Variants in STRIP1 observed in about 807,000 individuals in gnomAD.
STRIP1 encodes striatin-interacting protein 1.
A neutral mutation model predicts 106.2 loss-of-function variants in STRIP1; 63 were observed. That is an observed-to-expected ratio of 0.59 (90% CI 0.48 to 0.73). STRIP1 has a LOEUF of 0.73. STRIP1 is among the 30% of genes least tolerant of loss of function. The pLI, the probability that STRIP1 is intolerant of heterozygous loss-of-function variation, is 0.00. For synonymous variants in STRIP1, 390 were observed against 413.0 expected (o/e 0.94, Z 0.67); for missense variants, 857 against 1,074.8 (o/e 0.80, Z 2.83).
In STRIP1 at chr1:110,053,843, GA is replaced by G; in HGVS notation, c.2447del (p.Asn816ThrfsTer6). 6.2e-7 allele frequency: 1 copy of G among 1,614,142 alleles called. No homozygotes were observed. The highest frequency in any genetic ancestry group is 8.5e-7 in the Non-Finnish European group (1 of 1,180,016). ...RVDLPEDFQMNYDLWLEREVF... is the reference protein window; with the variant it reads ...RVDLPEDFQMXYDLWLEREVF... ...TGGACCTCCCTGAGGACTTTCAGATGAACTATGACCTCTGGTTAGAAAGGGA... is the reference window on the plus strand; with the variant it reads ...TGGACCTCCCTGAGGACTTTCAGATGACTATGACCTCTGGTTAGAAAGGGA... On this transcript the variant is annotated frameshift_variant, in exon 21 of 21. Coordinates refer to ENST00000369795, the MANE Select transcript of STRIP1 (RefSeq NM_033088.4). LOFTEE classifies it high-confidence loss of function.
Position 110,054,481 on chromosome 1 carries a change from A to C in STRIP1, c.*569A>C, listed in dbSNP as rs1365559295. On this transcript the variant is annotated 3_prime_UTR_variant, in exon 21 of 21. Coordinates refer to ENST00000369795, the MANE Select transcript of STRIP1 (RefSeq NM_033088.4). The stretch of plus-strand genomic sequence containing the variant: ...CAGCACTTTGATTTTGGACAGGGAC[A>C]AGGTAGGAAGAGAAGCTTCCCTTAA... The C allele has an allele frequency of 6.5e-6, 1 of 153,738 alleles. No individual in the cohort carries two copies. Among genetic ancestry groups the C allele is most frequent in the African/African-American group, 2.4e-5 (1 of 41,446 alleles). The allele number at this position is 153,738 out of a possible 1,614,324, so 9.5% of individuals were successfully genotyped here.
chr1:110,034,633 C>G lies in STRIP1; in HGVS notation c.-5C>G. The G allele has an allele frequency of 6.6e-7, 1 of 1,520,446 alleles. No homozygotes were observed. The highest frequency in any genetic ancestry group is 1.2e-5 in the South Asian group (1 of 81,856). The allele number at this position is 1,520,446 out of a possible 1,614,324, so 94.2% of individuals were successfully genotyped here. On this transcript the variant is annotated 5_prime_UTR_variant, in exon 1 of 21. Transcript: ENST00000369795. ...GAGTTAAGCTGGGGGTGTGGAGCAG[C>G]CAAGATGGAGCCGGCAGTCGGCGGT...
chr1:110,035,977 G>A (rs1216892018), intron 1 of STRIP1, among the ~76,000 whole-genome samples: 1 of 152,128 alleles, frequency 6.6e-6, no homozygotes, highest in Non-Finnish European at 1.5e-5. Context: ...GTGGGATGAC[G>A]GACATCAGTG....
intron 1 of STRIP1, among the ~76,000 whole-genome samples, chr1:110,035,371 T>C (rs902184268): frequency 3.9e-5 from 6 of 152,214 alleles, no homozygotes; most frequent in Non-Finnish European, 8.8e-5. Context: ...GTCCTGTTCT[T>C]CTGACCTGAG....
At position 110,053,664 on chromosome 1, in the gene STRIP1, G is replaced by C; in HGVS notation, c.2267-1G>C. The C allele has an allele frequency of 6.2e-7, 1 of 1,613,972 alleles. No individual in the cohort carries two copies. The highest frequency in any genetic ancestry group is 8.5e-7 in the Non-Finnish European group (1 of 1,179,876). ...CGGTGTTTCTTCCTGCTTTGTCTCA[G>C]ATCTTGATGCCCGGCCTTGGGACTT... On this transcript the variant is annotated splice_acceptor_variant, in intron 20 of 20. Transcript: ENST00000369795. LOFTEE classifies it high-confidence loss of function.
chr1:110,043,014 G>C (rs1210798438), intron 8 of STRIP1, 74 bp from the exon 9 acceptor site: 2 of 1,423,458 alleles, frequency 1.4e-6, no homozygotes, highest in Non-Finnish European at 1.9e-6. Context: ...GAATGTTTCT[G>C]AGCCTGACAC....
chr1:110,032,447 C>A (rs1050780447), upstream of STRIP1, among the ~76,000 whole-genome samples: 1 of 152,076 alleles, frequency 6.6e-6, no homozygotes, highest in Non-Finnish European at 1.5e-5. Context: ...GCTGGAGAGA[C>A]AAAGATGGAT....
Position 110,053,821 on chromosome 1 carries a change from A to G in STRIP1, c.2423A>G (p.Asp808Gly). Reference protein sequence around the residue: ...CLQSVLGQRVDLPEDFQMNYD... With the variant: ...CLQSVLGQRVGLPEDFQMNYD... ...CAGAGTGTCCTGGGCCAACGGGTGG[A>G]CCTCCCTGAGGACTTTCAGATGAAC... Residue 808 changes from aspartate (D) to glycine (G), a missense_variant, in exon 21 of 21, where the codon GAC becomes GGC. Asp to Gly is a moderately conservative substitution (Grantham distance 94). Transcript: ENST00000369795. 1 of 1,613,988 alleles carries G rather than the reference A, an allele frequency of 6.2e-7. No homozygotes were observed. Among genetic ancestry groups the G allele is most frequent in the East Asian group, 2.2e-5 (1 of 44,862 alleles).
Position 110,041,554 on chromosome 1 carries a change from G to T in STRIP1, c.669G>T (p.Met223Ile). 6.2e-7 allele frequency: 1 copy of T among 1,613,964 alleles called. No homozygotes were observed. Among genetic ancestry groups the T allele is most frequent in the Non-Finnish European group, 8.5e-7 (1 of 1,179,872 alleles). ...TCCTCAGGGTCCTGCTCAACATCAT[G>T]TACCTGATAGTGGAGACCGTTCATC... The part of the protein sequence containing the change: ...STDLRVLLNI[M>I]YLIVETVHQE... The change falls in exon 7 of 21, where the codon ATG becomes ATT. Residue 223 changes from methionine (M) to isoleucine (I), a missense_variant. Transcript: ENST00000369795.
chr1:110,051,744 T>C lies in STRIP1; in HGVS notation c.2123T>C (p.Met708Thr), dbSNP rs781468997. Residue 708 changes from methionine (M) to threonine (T), a missense_variant, in exon 20 of 21, where the codon ATG becomes ACG. Transcript: ENST00000369795. ...LKRALKVKQAMMQLYVLKLLK... is the reference protein window; with the variant it reads ...LKRALKVKQATMQLYVLKLLK... ...CGGGCCCTAAAGGTGAAACAAGCCATGATGCAGCTCTATGTGCTGAAGCTG... is the reference window on the plus strand; with the variant it reads ...CGGGCCCTAAAGGTGAAACAAGCCACGATGCAGCTCTATGTGCTGAAGCTG... 1.9e-6 allele frequency: 3 copies of C among 1,613,712 alleles called. No homozygotes were observed. The South Asian group carries it at 3.3e-5, about 18-fold the overall frequency.
At chr1:110,038,842 G>A in intron 3 of STRIP1, 85 bp downstream of exon 3, 2 of 1,270,076 alleles carry the variant, frequency 1.6e-6, no homozygotes, top group Non-Finnish European at 2.3e-6. Flanking sequence ...AATGACCTGA[G>A]TCATCCTGGA....
intron 15 of STRIP1, among the ~76,000 whole-genome samples, 173 bp from the exon 16 acceptor site, chr1:110,048,939 A>G (rs1338000097): frequency 1.3e-5 from 2 of 152,162 alleles, no homozygotes; most frequent in Admixed American, 6.5e-5. Flanking sequence ...GCGAGGCTAC[A>G]TTGCTTGGGA....
upstream of STRIP1, among the ~76,000 whole-genome samples, chr1:110,033,299 GC>G (rs892759385): frequency 1.3e-5 from 2 of 149,624 alleles, no homozygotes; most frequent in Non-Finnish European, 3.0e-5. Flanking sequence ...CTCTTCTTTG[GC>G]CAAAACTCTA....
At chr1:110,035,164 C>T (rs1652385221) in intron 1 of STRIP1, among the ~76,000 whole-genome samples, 1 of 152,164 alleles carries the variant, frequency 6.6e-6, no homozygotes. Context: ...TTGGTGCACT[C>T]CAGGGCGCTG....
At chr1:110,043,567 T>C in intron 9 of STRIP1, 72 bp from the exon 10 acceptor site, 1 of 1,344,210 alleles carries the variant, frequency 7.4e-7, no homozygotes, top group Non-Finnish European at 1.1e-6. Flanking sequence ...ATGTGCTGTG[T>C]CTCCTCTGGC....
intron 5 of STRIP1, among the ~76,000 whole-genome samples, chr1:110,040,129 G>A (rs559280776): frequency 1.3e-5 from 2 of 152,322 alleles, no homozygotes; most frequent in South Asian, 2.1e-4. Context: ...GATTCAAACC[G>A]TGGCAGTCCA....
chr1:110,044,954 T>C, intron 11 of STRIP1, 49 bp downstream of exon 11: 1 of 1,613,168 alleles, frequency 6.2e-7, no homozygotes, highest in Non-Finnish European at 8.5e-7. Context: ...CGGCCTTTGG[T>C]GTTTGGGATC....
chr1:110,043,990 T>A (rs1652899968), intron 10 of STRIP1, 134 bp downstream of exon 10: 1 of 818,588 alleles, frequency 1.2e-6, no homozygotes, highest in African/African-American at 1.7e-5. Flanking sequence ...GATGAGGCTC[T>A]CTTAAAGCAC....
Position 110,038,071 on chromosome 1 carries a change from AATATATATATATATATATATATATATAT to A in STRIP1, c.250+126_250+153del, listed in dbSNP as rs3085770. On this transcript the variant is annotated intron_variant, in intron 2 of 20. Coordinates refer to ENST00000369795, the MANE Select transcript of STRIP1 (RefSeq NM_033088.4). ...TTCATTGCTTTCCCTAGTTCTATCAAATATATATATATATATATATATATATATATATATATATATATGTATAAAACAT... is the reference window on the plus strand; with the variant it reads ...TTCATTGCTTTCCCTAGTTCTATCAAATATATATATATATGTATAAAACAT... The A allele has an allele frequency of 1.0e-3, 132 of 130,378 alleles. 8 individuals are homozygous for A. Among genetic ancestry groups the A allele is most frequent in the African/African-American group, 3.9e-3 (87 of 22,430 alleles). 8.1% of individuals were successfully genotyped at this position (130,378 alleles called of 1,614,324 possible).
Sources: gnomAD v4.1 joint callset for allele counts (sites outside exome capture counted in the v4.1 genomes callset) on GRCh38, gnomAD v4.1.1 for gene constraint, MANE v1.5 for transcripts, NCBI Gene and HGNC (gene_info 2026-07-23, HGNC 2026-07-21) for gene names.